SLC12A1: variants seen among roughly 807,000 people sequenced by gnomAD.
SLC12A1 encodes the protein solute carrier family 12 member 1.
A neutral mutation model predicts 130.4 loss-of-function variants in SLC12A1; 89 were observed. That is an observed-to-expected ratio of 0.68 (90% CI 0.58 to 0.81). SLC12A1 has a LOEUF of 0.81. Among genes scored for constraint, SLC12A1 ranks in the 40% least tolerant of loss-of-function variants. The probability of loss-of-function intolerance (pLI) is 0.00; values close to 1 mark genes in which losing one functional copy is unlikely to be tolerated. For synonymous variants in SLC12A1, 499 were observed against 460.0 expected, an observed-to-expected ratio of 1.08 and a Z score of -1.09; for missense variants, 1,310 against 1,336.4, an observed-to-expected ratio of 0.98 and a Z score of 0.31.
At chr15:48,210,026 A>G (rs987891641) in intron 2 of SLC12A1, among the ~76,000 whole-genome samples, 54 of 152,158 alleles carry the variant, frequency 3.5e-4, no homozygotes, top group African/African-American at 1.3e-3. Context: ...GAATTTTGAG[A>G]AGGGAGGCAA....
At chr15:48,290,129 T>C (rs1488695363) in intron 23 of SLC12A1, among the ~76,000 whole-genome samples, 1 of 152,144 alleles carries the variant, frequency 6.6e-6, no homozygotes, top group African/African-American at 2.4e-5. Context: ...TTTTAAACTG[T>C]TTTCTTTTTT....
intron 11 of SLC12A1, 84 bp from the exon 12 acceptor site, chr15:48,246,825 G>T: frequency 1.1e-6 from 1 of 874,684 alleles, no homozygotes. Flanking sequence ...GAAGCAGGGG[G>T]AAAAAATGTA....
At chr15:48,262,722 C>T (rs1411348004) in intron 17 of SLC12A1, among the ~76,000 whole-genome samples, 1 of 152,092 alleles carries the variant, frequency 6.6e-6, no homozygotes, top group Non-Finnish European at 1.5e-5. Flanking sequence ...TCCCAATAGG[C>T]TTTATATTAA....
chr15:48,259,755 G>A (rs2041749270), intron 17 of SLC12A1, among the ~76,000 whole-genome samples: 2 of 152,136 alleles, frequency 1.3e-5, no homozygotes, highest in Non-Finnish European at 2.9e-5. Context: ...ATTTGGATAA[G>A]TTTGATGACA....
intron 2 of SLC12A1, among the ~76,000 whole-genome samples, chr15:48,213,329 T>C (rs1002537087): frequency 6.6e-6 from 1 of 152,154 alleles, no homozygotes; most frequent in Non-Finnish European, 1.5e-5. Flanking sequence ...AGGTACTTCC[T>C]TGTTTCAGTC....
intron 4 of SLC12A1, among the ~76,000 whole-genome samples, chr15:48,221,785 T>G (rs2141019975): frequency 6.6e-6 from 1 of 152,336 alleles, no homozygotes; most frequent in Non-Finnish European, 1.5e-5. Flanking sequence ...ATTCCATATA[T>G]GGGAAATACA....
At chr15:48,215,090 T>A (rs1319096891) in intron 2 of SLC12A1, among the ~76,000 whole-genome samples, 2 of 152,060 alleles carry the variant, frequency 1.3e-5, no homozygotes, top group East Asian at 3.8e-4. Flanking sequence ...CATAAAGATG[T>A]AAGTAACAAA....
At chr15:48,214,253 T>C (rs1426260749) in intron 2 of SLC12A1, among the ~76,000 whole-genome samples, 1 of 152,144 alleles carries the variant, frequency 6.6e-6, no homozygotes, top group African/African-American at 2.4e-5. Context: ...GCTCACACTA[T>C]TAAAACAATC....
chr15:48,238,130 A>C (rs150930686), intron 9 of SLC12A1, among the ~76,000 whole-genome samples: 191 of 152,380 alleles, frequency 1.3e-3, no homozygotes, highest in African/African-American at 4.2e-3. Context: ...CTTTATTACA[A>C]GCAATGCCTT....
rs1169100351 is a variant in SLC12A1 at position 48,241,572 on chromosome 15, G to A, written c.1273G>A (p.Ala425Thr). The part of the protein sequence containing the change: ...TMLAIFITTV[A>T]YLGVAICVGA... ...GCTGGCCATTTTCATCACCACTGTT[G>A]CCTACTTAGGGGTTGCAATTTGTGT... is the stretch of plus-strand genomic sequence containing the variant. Residue 425 changes from alanine to threonine, a missense_variant, in exon 10 of 27, where the codon GCC (alanine) becomes ACC (threonine). Physicochemically the swap from Ala to Thr is moderately conservative, Grantham distance 58 (BLOSUM62 0). Transcript: ENST00000380993. The A allele has an allele frequency of 6.2e-7, 1 of 1,613,634 alleles. No individual in the cohort carries two copies. Among genetic ancestry groups the A allele is most frequent in the East Asian group, 2.2e-5 (1 of 44,892 alleles).
At position 48,303,614 on chromosome 15, in the gene SLC12A1, A is replaced by C. The variant is rs2042257975; in HGVS notation, c.*729A>C. ...ACACCATATACTCCAATAAAATGAA[A>C]TATATTCTATTCTCAATATATAAAC... is the stretch of plus-strand genomic sequence containing the variant. On this transcript the variant is annotated 3_prime_UTR_variant, in exon 27 of 27. Coordinates refer to ENST00000380993, the MANE Select transcript of SLC12A1 (RefSeq NM_000338.3). The C allele has an allele frequency of 6.6e-6, 1 of 152,242 alleles. No homozygotes were observed. The highest frequency in any genetic ancestry group is 1.5e-5 in the Non-Finnish European group (1 of 68,036). The allele number at this position is 152,242 out of a possible 1,614,324, so 9.4% of individuals were successfully genotyped here. A position where few individuals can be genotyped will look rare whatever the true frequency, so the allele number is the denominator to read the frequency against.
intron 4 of SLC12A1, 66 bp downstream of exon 4, chr15:48,221,062 T>C (rs2041207638): frequency 1.5e-6 from 2 of 1,370,334 alleles, no homozygotes; most frequent in East Asian, 2.3e-5. Flanking sequence ...CAATCTTTTT[T>C]CACCATTAAT....
intron 5 of SLC12A1, chr15:48,226,947 A>G: frequency 1.5e-6 from 1 of 649,706 alleles, no homozygotes; most frequent in South Asian, 2.0e-5. Flanking sequence ...ATGAAATGGG[A>G]TCTTTTAGAA....
At chr15:48,266,015 A>G (rs2041827867) in intron 17 of SLC12A1, among the ~76,000 whole-genome samples, 1 of 152,238 alleles carries the variant, frequency 6.6e-6, no homozygotes, top group Non-Finnish European at 1.5e-5. Context: ...GGACTTTGAA[A>G]TCCAGTGTGT....
At position 48,267,584 on chromosome 15, in the gene SLC12A1, G is replaced by A. The variant is rs1157674611; in HGVS notation, c.2178G>A (p.Lys726=). ...AGGGACCGCGCAAACTGTGTGTTAA[G>A]GAGATGAACAGTGGCATGGCGAAAA... The part of the protein sequence containing the change: ...VFVGPRKLCV[K]EMNSGMAKKQ... The change falls in exon 18 of 27, where the codon AAG becomes AAA. Residue 726 remains lysine, a synonymous_variant. Coordinates refer to ENST00000380993, the MANE Select transcript of SLC12A1 (RefSeq NM_000338.3). The A allele has an allele frequency of 3.1e-6, 5 of 1,613,516 alleles. No homozygotes were observed. Among genetic ancestry groups the A allele is most frequent in the South Asian group, 2.2e-5 (2 of 91,062 alleles).
At chr15:48,292,371 G>A (rs546326963) in intron 24 of SLC12A1, among the ~76,000 whole-genome samples, 3 of 151,912 alleles carry the variant, frequency 2.0e-5, no homozygotes, top group East Asian at 1.9e-4. Flanking sequence ...TTGGGGGGAC[G>A]TCTAAAACTA....
At chr15:48,235,798 A>T (rs894417025) in intron 9 of SLC12A1, among the ~76,000 whole-genome samples, 21 of 151,902 alleles carry the variant, frequency 1.4e-4, no homozygotes, top group African/African-American at 5.1e-4. Flanking sequence ...AACCCAGATA[A>T]CCTCTTTGTT....
intron 25 of SLC12A1, among the ~76,000 whole-genome samples, chr15:48,300,313 G>T (rs981148997): frequency 2.0e-5 from 3 of 150,232 alleles, no homozygotes; most frequent in Non-Finnish European, 4.4e-5. Context: ...TGATAGGAGT[G>T]AAACCCTGTT....
At chr15:48,274,455 G>A (rs2041929417) in intron 19 of SLC12A1, 116 bp from the exon 20 acceptor site, 3 of 718,444 alleles carry the variant, frequency 4.2e-6, no homozygotes, top group Admixed American at 2.0e-5. Flanking sequence ...TATATTCTAA[G>A]GTGGATTTTA....
Sources: allele counts gnomAD v4.1 joint callset (sites outside exome capture counted in the v4.1 genomes callset), GRCh38; gene constraint gnomAD v4.1.1; transcripts MANE v1.5; gene names NCBI Gene and HGNC (gene_info 2026-07-23, HGNC 2026-07-21).